Variants in ZMIZ1 observed in about 807,000 individuals in gnomAD.
ZMIZ1 encodes the protein zinc finger MIZ domain-containing protein 1.
ZMIZ1 carries 17 observed loss-of-function variants against 113.9 expected under a neutral mutation model. That is an observed-to-expected ratio of 0.15 (90% CI 0.10 to 0.22). ZMIZ1 has a LOEUF of 0.22. Ranked by LOEUF, ZMIZ1 falls within the 10% of genes least tolerant of loss-of-function variation. The pLI, the probability that ZMIZ1 is intolerant of heterozygous loss-of-function variation, is 1.00. For missense variants in ZMIZ1, 1,059 were observed against 1,477.8 expected (o/e 0.72, Z 4.65); for synonymous variants, 607 against 603.1 (o/e 1.01, Z -0.09).
chr10:79,188,380 C>T (rs558282787), intron 4 of ZMIZ1, among the ~76,000 whole-genome samples: 1 of 152,288 alleles, frequency 6.6e-6, no homozygotes, highest in East Asian at 1.9e-4. Context: ...TGTTCTGGGC[C>T]GCTCTTCCCG....
At chr10:79,165,963 T>TGCGCGCGCAC (rs1554860939) in intron 4 of ZMIZ1, among the ~76,000 whole-genome samples, 1 of 43,446 alleles carries the variant, frequency 2.3e-5, no homozygotes, top group African/African-American at 1.2e-4. Flanking sequence ...TGTGTGTGTG[T>TGCGCGCGCAC]GTGTGTGTGT....
intron 6 of ZMIZ1, among the ~76,000 whole-genome samples, chr10:79,209,335 T>C (rs1206720036): frequency 6.6e-6 from 1 of 152,156 alleles, no homozygotes; most frequent in East Asian, 1.9e-4. Context: ...GGTCCAGAGT[T>C]TGTGGTATGA....
At chr10:79,200,913 ATACACACG>A (rs1848051637) in intron 4 of ZMIZ1, among the ~76,000 whole-genome samples, 1 of 152,202 alleles carries the variant, frequency 6.6e-6, no homozygotes, top group African/African-American at 2.4e-5. Flanking sequence ...ACACACACAC[ATACACACG>A]TACACACACA....
chr10:79,283,088 A>G (rs548672369), intron 8 of ZMIZ1, among the ~76,000 whole-genome samples: 7 of 152,278 alleles, frequency 4.6e-5, no homozygotes, highest in Non-Finnish European at 8.8e-5. Context: ...TAAAGGCCTA[A>G]TAAATCTTGT....
chr10:79,195,343 C>T (rs1847788684), intron 4 of ZMIZ1, among the ~76,000 whole-genome samples: 1 of 152,236 alleles, frequency 6.6e-6, no homozygotes, highest in Non-Finnish European at 1.5e-5. Flanking sequence ...TGGCTCCTGG[C>T]TGCTCTGACC....
intron 1 of ZMIZ1, among the ~76,000 whole-genome samples, chr10:79,093,135 A>AACACACACACACAC (rs5786379): frequency 8.3e-5 from 9 of 107,994 alleles, no homozygotes; most frequent in Non-Finnish European, 9.6e-5. Flanking sequence ...CCCCACCCCC[A>AACACACACACACAC]ACACACACAC....
intron 7 of ZMIZ1, among the ~76,000 whole-genome samples, chr10:79,262,521 T>C (rs1851329824): frequency 6.6e-6 from 1 of 152,230 alleles, no homozygotes; most frequent in Non-Finnish European, 1.5e-5. Context: ...GGCATTCTTA[T>C]AAACCATTTT....
intron 7 of ZMIZ1, among the ~76,000 whole-genome samples, chr10:79,269,454 C>G (rs1205037951): frequency 9.2e-6 from 1 of 109,086 alleles, no homozygotes; most frequent in African/African-American, 4.3e-5. Flanking sequence ...ACACCTCCCC[C>G]CAACACACAC....
intron 5 of ZMIZ1, among the ~76,000 whole-genome samples, chr10:79,202,056 CAAAAAA>C (rs55985942): frequency 1.4e-5 from 1 of 71,954 alleles, no homozygotes; most frequent in African/African-American, 5.7e-5. Flanking sequence ...CAGTCGTTCT[CAAAAAA>C]AAAAAAAAAA....
At chr10:79,285,991 C>T (rs1853050685) in intron 8 of ZMIZ1, among the ~76,000 whole-genome samples, 1 of 152,178 alleles carries the variant, frequency 6.6e-6, no homozygotes, top group African/African-American at 2.4e-5. Context: ...GGCTTCTGGC[C>T]TTGGTGCTTC....
At chr10:79,218,683 G>T (rs12243224) in intron 7 of ZMIZ1, among the ~76,000 whole-genome samples, 1,592 of 152,036 alleles carry the variant, frequency 0.01, 29 homozygotes, top group African/African-American at 0.037. Context: ...TGGCAAGGGG[G>T]TGTTGTTGAG....
At chr10:79,311,460 G>A (rs966339477) in intron 24 of ZMIZ1, among the ~76,000 whole-genome samples, 1 of 152,148 alleles carries the variant, frequency 6.6e-6, no homozygotes, top group Admixed American at 6.5e-5. Context: ...AAGCCCTGCG[G>A]GGTCCCTTGC....
At chr10:79,237,738 C>T (rs937751420) in intron 7 of ZMIZ1, among the ~76,000 whole-genome samples, 1 of 152,230 alleles carries the variant, frequency 6.6e-6, no homozygotes, top group African/African-American at 2.4e-5. Context: ...GACACATTCA[C>T]AGGTTCTGGG....
chr10:79,305,054 C>G (rs1183039868), intron 19 of ZMIZ1, 110 bp from the exon 20 acceptor site: 5 of 1,286,382 alleles, frequency 3.9e-6, no homozygotes, highest in Non-Finnish European at 5.6e-6. Flanking sequence ...GGGTTTCTCC[C>G]ACAGCCTATC....
chr10:79,269,654 C>T (rs925777555), intron 7 of ZMIZ1, among the ~76,000 whole-genome samples: 6 of 152,062 alleles, frequency 3.9e-5, no homozygotes, highest in African/African-American at 1.4e-4. Context: ...GCCTTTCATC[C>T]CTCCCAGCCT....
chr10:79,219,874 T>C (rs1848890692), intron 7 of ZMIZ1, among the ~76,000 whole-genome samples: 1 of 152,114 alleles, frequency 6.6e-6, no homozygotes, highest in Non-Finnish European at 1.5e-5. Context: ...CATGACTAAC[T>C]ACCTTTCAGG....
intron 3 of ZMIZ1, among the ~76,000 whole-genome samples, chr10:79,157,254 G>T (rs886717789): frequency 2.0e-5 from 3 of 152,204 alleles, no homozygotes; most frequent in African/African-American, 4.8e-5. Context: ...TGCTGAGGAT[G>T]GAGTGATGGA....
intron 5 of ZMIZ1, among the ~76,000 whole-genome samples, chr10:79,203,663 T>G (rs891178450): frequency 3.9e-5 from 6 of 152,204 alleles, no homozygotes; most frequent in Non-Finnish European, 8.8e-5. Flanking sequence ...GGGGTCAGGG[T>G]GCACCTGACT....
At chr10:79,290,179 A>G (rs1428611450) in intron 9 of ZMIZ1, among the ~76,000 whole-genome samples, 2 of 152,188 alleles carry the variant, frequency 1.3e-5, no homozygotes, top group Non-Finnish European at 2.9e-5. Context: ...GGTAAACAGG[A>G]GAACTTCCTC....
Sources: gnomAD v4.1 joint callset for allele counts (sites outside exome capture counted in the v4.1 genomes callset) on GRCh38, gnomAD v4.1.1 for gene constraint, MANE v1.5 for transcripts, NCBI Gene and HGNC (gene_info 2026-07-23, HGNC 2026-07-21) for gene names.